Variants in MYO5A observed in about 807,000 individuals in gnomAD.
The protein encoded by MYO5A is unconventional myosin-Va.
In MYO5A, 98 loss-of-function variants were observed where a neutral mutation model predicts 249.7. That is an observed-to-expected ratio of 0.39 (90% CI 0.33 to 0.46). The LOEUF (loss-of-function observed/expected upper bound fraction) is 0.46, where lower values mean the gene tolerates loss of function less well. MYO5A is among the 20% of genes least tolerant of loss of function. MYO5A has a pLI of 0.98. For synonymous variants in MYO5A, 778 were observed against 810.6 expected (o/e 0.96, Z 0.68); for missense variants, 1,696 against 2,308.8 (o/e 0.73, Z 5.44).
At chr15:52,518,425 GA>G (rs1283140584) in intron 1 of MYO5A, among the ~76,000 whole-genome samples, 6 of 152,084 alleles carry the variant, frequency 3.9e-5, no homozygotes, top group Non-Finnish European at 5.9e-5. Context: ...TCTTAAACAA[GA>G]AATACACATT....
At chr15:52,519,889 C>T (rs1028462435) in intron 1 of MYO5A, among the ~76,000 whole-genome samples, 4 of 151,994 alleles carry the variant, frequency 2.6e-5, no homozygotes, top group African/African-American at 9.7e-5. Context: ...CGCCACCACG[C>T]CCGGCTAATT....
chr15:52,385,112 T>C (rs903947773), intron 14 of MYO5A, among the ~76,000 whole-genome samples: 7 of 152,156 alleles, frequency 4.6e-5, no homozygotes, highest in African/African-American at 1.4e-4. Context: ...AGAAATTTTA[T>C]GGAAAAAAAG....
chr15:52,502,022 T>C (rs958271263), intron 1 of MYO5A, among the ~76,000 whole-genome samples: 6 of 152,170 alleles, frequency 3.9e-5, no homozygotes, highest in African/African-American at 1.4e-4. Context: ...TTTATATATA[T>C]AAACTAATAT....
chr15:52,481,872 A>T (rs757422143), intron 1 of MYO5A, among the ~76,000 whole-genome samples: 11 of 152,250 alleles, frequency 7.2e-5, no homozygotes, highest in Non-Finnish European at 1.5e-4. Flanking sequence ...GCTTTCATGA[A>T]GGAAAAGGTA....
chr15:52,501,572 C>G (rs2077159182), intron 1 of MYO5A, among the ~76,000 whole-genome samples: 1 of 151,644 alleles, frequency 6.6e-6, no homozygotes, highest in Non-Finnish European at 1.5e-5. Flanking sequence ...GTACTCCAGC[C>G]TGGATGACAG....
intron 1 of MYO5A, among the ~76,000 whole-genome samples, chr15:52,438,429 A>C (rs1012883865): frequency 8.5e-5 from 13 of 152,288 alleles, no homozygotes; most frequent in African/African-American, 2.9e-4. Context: ...GTTAGAAAAC[A>C]ATAACCCTGG....
chr15:52,478,715 G>C (rs1032380153), intron 1 of MYO5A, among the ~76,000 whole-genome samples: 1 of 152,308 alleles, frequency 6.6e-6, no homozygotes, highest in Admixed American at 6.5e-5. Flanking sequence ...AAATACGTGA[G>C]AAGCGTGAGA....
intron 14 of MYO5A, among the ~76,000 whole-genome samples, chr15:52,385,972 C>T (rs2041956879): frequency 6.6e-6 from 1 of 152,106 alleles, no homozygotes; most frequent in African/African-American, 2.4e-5. Flanking sequence ...GACTCAAAAG[C>T]CAATTAGAAA....
At chr15:52,466,143 C>A (rs952315348) in intron 1 of MYO5A, among the ~76,000 whole-genome samples, 1 of 152,156 alleles carries the variant, frequency 6.6e-6, no homozygotes, top group Admixed American at 6.5e-5. Context: ...TTCCTTCAGA[C>A]TGGACACCTA....
intron 31 of MYO5A, among the ~76,000 whole-genome samples, chr15:52,342,814 G>A (rs1010368785): frequency 6.6e-6 from 1 of 152,074 alleles, no homozygotes; most frequent in African/African-American, 2.4e-5. Flanking sequence ...TACTCAGGAG[G>A]CTGAGGCAGG....
chr15:52,319,109 G>T lies in MYO5A; in HGVS notation c.5185C>A (p.Leu1729Ile). The change falls in exon 39 of 42, where the codon CTT becomes ATT. Residue 1729 changes from leucine (L) to isoleucine (I), a missense_variant. Around this residue, in one of 5 missense-constraint regions of MYO5A, gnomAD observed 625 missense variants for 908.1 expected, o/e 0.69. Coordinates refer to ENST00000399233, the MANE Select transcript of MYO5A (RefSeq NM_001382347.1). ...YIIGAITLNN[L>I]LLRKDMCSWS... The stretch of plus-strand genomic sequence containing the variant: ...GAGCACATGTCCTTCCGCAGGAGAA[G>T]GTTGTTCAGGGTGATGGCCCCTATG... 5.0e-6 allele frequency: 8 copies of T among 1,614,250 alleles called. No individual in the cohort carries two copies. The highest frequency in any genetic ancestry group is 6.8e-6 in the Non-Finnish European group (8 of 1,180,046).
At chr15:52,350,722 G>C (rs775683617) in intron 28 of MYO5A, among the ~76,000 whole-genome samples, 30 of 152,128 alleles carry the variant, frequency 2.0e-4, no homozygotes, top group Non-Finnish European at 4.4e-5. Flanking sequence ...CAGTGCAGGA[G>C]TCCTCTCTGT....
At chr15:52,520,857 A>G (rs3764228) in intron 1 of MYO5A, among the ~76,000 whole-genome samples, 104,983 of 151,944 alleles carry the variant, frequency 0.69, 37,605 homozygotes, top group Non-Finnish European at 0.77. Context: ...GCATATATTG[A>G]TTTGTTTCAA....
chr15:52,426,317 G>GT lies in MYO5A; in HGVS notation c.311-344dup, dbSNP rs33984064. On this transcript the variant is annotated intron_variant, in intron 3 of 41. Coordinates refer to ENST00000399233, the MANE Select transcript of MYO5A (RefSeq NM_001382347.1). ...AAATAATCAGAAATTCATGCAAAGA[G>GT]TTTTTTTTTTTTTTTTCACAAAGAT... is the stretch of plus-strand genomic sequence containing the variant. Among the ~76,000 whole-genome samples the GT allele has an allele frequency of 7.2e-3, 1,017 of 141,684 alleles. 7 individuals carry two copies. The highest frequency in any genetic ancestry group is 0.013 in the African/African-American group (528 of 39,262). 93.0% of individuals were successfully genotyped at this position (141,684 alleles called of 152,430 possible).
Position 52,519,616 on chromosome 15 carries a change from A to AAT in MYO5A, c.27+9163_27+9164insAT, listed in dbSNP as rs1223805234. 1.1e-3 allele frequency among the ~76,000 whole-genome samples: 69 copies of AAT among 61,602 alleles called. No homozygotes were observed. The East Asian group carries it at 0.021, about 18-fold the overall frequency. 40.4% of individuals were successfully genotyped at this position (61,602 alleles called of 152,430 possible). On this transcript the variant is annotated intron_variant, in intron 1 of 41. Coordinates refer to ENST00000399233, the MANE Select transcript of MYO5A (RefSeq NM_001382347.1). ...AACAGAACGAGACCTTGTCTAAAAA[A>AAT]AATAATAATAATAATAATAATAATA...
At chr15:52,436,869 T>C (rs866508000) in intron 1 of MYO5A, among the ~76,000 whole-genome samples, 12 of 152,346 alleles carry the variant, frequency 7.9e-5, no homozygotes, top group African/African-American at 2.9e-4. Flanking sequence ...GGAAAGAGTA[T>C]GGAATTAGAC....
intron 12 of MYO5A, among the ~76,000 whole-genome samples, chr15:52,391,695 C>A (rs1488203472): frequency 6.6e-6 from 1 of 152,088 alleles, no homozygotes; most frequent in Non-Finnish European, 1.5e-5. Flanking sequence ...TAGTATCTAA[C>A]GTCAATTTTT....
At chr15:52,488,842 T>C (rs758701270) in intron 1 of MYO5A, among the ~76,000 whole-genome samples, 15 of 152,348 alleles carry the variant, frequency 9.8e-5, no homozygotes, top group South Asian at 2.1e-4. Flanking sequence ...AAAGTATAAA[T>C]GACACTTAAT....
rs1396969981 is a variant in MYO5A, at chr15:52,376,690, C to G, written c.2209-132G>C. The G allele has an allele frequency of 6.3e-6, 5 of 793,318 alleles. No homozygotes were observed. In the African/African-American group the frequency reaches 8.7e-5, roughly 14 times the overall value. 49.1% of individuals were successfully genotyped at this position (793,318 alleles called of 1,614,324 possible). On this transcript the variant is annotated intron_variant, in intron 18 of 41. Transcript: ENST00000399233. ...AAAACTTGGGCTACATCACAATTAACTAATGGAGCCAGATTTTTAATCCTA... is the reference window on the plus strand; with the variant it reads ...AAAACTTGGGCTACATCACAATTAAGTAATGGAGCCAGATTTTTAATCCTA...
Sources: gnomAD v4.1 joint callset for allele counts (sites outside exome capture counted in the v4.1 genomes callset) on GRCh38, gnomAD v4.1.1 for gene constraint, gnomAD v4.1.1 regional missense constraint, MANE v1.5 for transcripts, NCBI Gene and HGNC (gene_info 2026-07-23, HGNC 2026-07-21) for gene names.